Variants in RBFOX1 observed in about 807,000 individuals in gnomAD.
RBFOX1 encodes RNA binding fox-1 homolog 1.
Under a neutral mutation model 57.7 loss-of-function variants are expected in RBFOX1, and 8 were observed. The ratio of observed to expected loss-of-function variants is 0.14; its 90% confidence interval spans 0.08 to 0.25. The LOEUF is 0.25. Among genes scored for constraint, RBFOX1 ranks in the 10% least tolerant of loss-of-function variants. The pLI is 1.00. For synonymous variants in RBFOX1, 326 were observed against 222.4 expected (o/e 1.47, Z -4.15); for missense variants, 611 against 548.5 (o/e 1.11, Z -1.14).
At chr16:5,685,990 G>C (rs2050493261) in intron 3 of RBFOX1, among the ~76,000 whole-genome samples, 1 of 152,198 alleles carries the variant, frequency 6.6e-6, no homozygotes, top group African/African-American at 2.4e-5. Flanking sequence ...TTTCGTGATA[G>C]ACTACTGTGC....
At chr16:5,856,183 C>CTATATATA (rs1299997922) in intron 3 of RBFOX1, among the ~76,000 whole-genome samples, 13 of 45,894 alleles carry the variant, frequency 2.8e-4, no homozygotes, top group Non-Finnish European at 4.6e-4. Context: ...CTCTCTCTCT[C>CTATATATA]TCTCTATATA....
chr16:5,664,764 C>G (rs1344188280), intron 3 of RBFOX1, among the ~76,000 whole-genome samples: 2 of 152,020 alleles, frequency 1.3e-5, no homozygotes, highest in Non-Finnish European at 2.9e-5. Context: ...TTTGCTTTTT[C>G]CAAATTCCTG....
At chr16:5,277,185 T>G (rs35375494) in intron 1 of RBFOX1, among the ~76,000 whole-genome samples, 49,218 of 151,980 alleles carry the variant, frequency 0.32, 7,988 homozygotes, top group Non-Finnish European at 0.33. Context: ...AGAGCATTAT[T>G]CTAAATGAAG....
chr16:7,024,442 C>G (rs1201911199), intron 3 of RBFOX1, among the ~76,000 whole-genome samples: 2 of 152,174 alleles, frequency 1.3e-5, no homozygotes, highest in African/African-American at 2.4e-5. Context: ...AAAACATAAT[C>G]TACCATGAAT....
chr16:6,135,266 G>C (rs1302273982), intron 1 of RBFOX1, among the ~76,000 whole-genome samples: 1 of 152,154 alleles, frequency 6.6e-6, no homozygotes, highest in Non-Finnish European at 1.5e-5. Context: ...CTGCAGAACA[G>C]GCATTCTGAG....
At chr16:5,921,140 C>T (rs142746786) in intron 4 of RBFOX1, among the ~76,000 whole-genome samples, 2 of 152,162 alleles carry the variant, frequency 1.3e-5, no homozygotes. Flanking sequence ...TCATGCTAGG[C>T]ACCCCAGAGA....
At chr16:6,647,471 C>T (rs62017863) in intron 2 of RBFOX1, among the ~76,000 whole-genome samples, 68,867 of 151,926 alleles carry the variant, frequency 0.45, 16,646 homozygotes, top group South Asian at 0.53. Context: ...TGGTCTTGAG[C>T]CCCTGCCCTC....
intron 1 of RBFOX1, among the ~76,000 whole-genome samples, chr16:6,243,897 A>G (rs565933613): frequency 1.3e-5 from 2 of 152,278 alleles, no homozygotes; most frequent in South Asian, 2.1e-4. Flanking sequence ...TCCAGAGGCC[A>G]TTGTATCAAC....
intron 3 of RBFOX1, among the ~76,000 whole-genome samples, chr16:6,917,922 C>T (rs113178004): frequency 1.3e-5 from 2 of 152,134 alleles, no homozygotes; most frequent in Non-Finnish European, 2.9e-5. Context: ...GGTATTATCC[C>T]TTTAGGGTGT....
intron 4 of RBFOX1, among the ~76,000 whole-genome samples, chr16:7,119,887 G>A (rs4617880): frequency 0.9 from 137,197 of 152,024 alleles, 62,097 homozygotes; most frequent in East Asian, 1. Flanking sequence ...CCATCCAACA[G>A]CAGCAGGATG....
chr16:7,319,185 A>T (rs1469701220), intron 4 of RBFOX1, among the ~76,000 whole-genome samples: 3 of 152,180 alleles, frequency 2.0e-5, no homozygotes, highest in African/African-American at 7.2e-5. Context: ...GGAATCTCCA[A>T]GGAAGTGAGG....
In RBFOX1 at chr16:5,792,834, A is replaced by T. The variant is rs190334928; in HGVS notation, c.319-74469A>T. ...CTCCAGCCTGGGCAACAAGAGCGAG[A>T]CTCCATCTCAAAAAAAAAATCATGA... On this transcript the variant is annotated intron_variant, in intron 3 of 19. Coordinates refer to the RBFOX1 transcript ENST00000641259. Among the ~76,000 whole-genome samples the T allele has an allele frequency of 3.0e-3, 456 of 152,124 alleles. 2 individuals are homozygous for T. The highest frequency in any genetic ancestry group is 0.014 in the Middle Eastern group (4 of 292).
intron 4 of RBFOX1, among the ~76,000 whole-genome samples, chr16:7,081,207 G>A (rs1341441526): frequency 6.6e-6 from 1 of 152,176 alleles, no homozygotes; most frequent in Admixed American, 6.5e-5. Context: ...GCTAATGTTT[G>A]TATTTTTAGT....
At chr16:5,907,203 C>T (rs1216248899) in intron 4 of RBFOX1, among the ~76,000 whole-genome samples, 1 of 152,120 alleles carries the variant, frequency 6.6e-6, no homozygotes, top group Non-Finnish European at 1.5e-5. Context: ...TGAACTAAGT[C>T]AGTGATTTAT....
chr16:5,438,551 C>T (rs1390550846), intron 1 of RBFOX1, among the ~76,000 whole-genome samples: 1 of 152,180 alleles, frequency 6.6e-6, no homozygotes, highest in Admixed American at 6.5e-5. Context: ...AAAGGCTCCC[C>T]ACCCAGCTAG....
chr16:6,841,813 GA>G (rs2093477695), intron 3 of RBFOX1, among the ~76,000 whole-genome samples: 2 of 152,052 alleles, frequency 1.3e-5, no homozygotes, highest in Non-Finnish European at 2.9e-5. Flanking sequence ...GTCTTCATGT[GA>G]ATGTTCTTCA....
intron 2 of RBFOX1, among the ~76,000 whole-genome samples, chr16:6,634,528 T>C (rs2098415543): frequency 6.7e-6 from 1 of 148,518 alleles, no homozygotes; most frequent in South Asian, 2.1e-4. Flanking sequence ...ATATGATATA[T>C]ACTTTTATAT....
intron 4 of RBFOX1, among the ~76,000 whole-genome samples, chr16:7,090,802 A>T (rs1274966655): frequency 6.6e-6 from 1 of 152,082 alleles, no homozygotes; most frequent in Admixed American, 6.6e-5. Context: ...AAAGCAGGGA[A>T]GTCACGTTTA....
intron 2 of RBFOX1, among the ~76,000 whole-genome samples, chr16:5,532,439 C>A (rs1196809634): frequency 2.0e-5 from 3 of 152,208 alleles, no homozygotes; most frequent in African/African-American, 7.2e-5. Flanking sequence ...CTGACCCGGA[C>A]TCACTGATCT....
Sources: allele counts gnomAD v4.1 joint callset (sites outside exome capture counted in the v4.1 genomes callset), GRCh38; gene constraint gnomAD v4.1.1; transcripts MANE v1.5; gene names NCBI Gene and HGNC (gene_info 2026-07-23, HGNC 2026-07-21).